CSF1R: variants seen among roughly 807,000 people sequenced by gnomAD.
CSF1R encodes macrophage colony-stimulating factor 1 receptor.
Under a neutral mutation model 110.0 loss-of-function variants are expected in CSF1R, and 40 were observed. The ratio of observed to expected loss-of-function variants is 0.36; its 90% CI spans 0.28 to 0.47. The LOEUF is 0.47. Among genes scored for constraint, CSF1R ranks in the 20% least tolerant of loss-of-function variants. The pLI, the probability that CSF1R is intolerant of heterozygous loss-of-function variation, is 0.99. For synonymous variants in CSF1R, 523 were observed against 503.4 expected (o/e 1.04, Z -0.52); for missense variants, 1,052 against 1,253.0 (o/e 0.84, Z 2.42).
chr5:150,053,844 T>C lies in CSF1R; in HGVS notation c.*225A>G. ...ATGAGAACAGTAGGGGAGGGGGGGGTGAGGGCTCAGCCCCCAGCCCCTGAC... is the reference window on the plus strand; with the variant it reads ...ATGAGAACAGTAGGGGAGGGGGGGGCGAGGGCTCAGCCCCCAGCCCCTGAC... On this transcript the variant is annotated 3_prime_UTR_variant, in exon 21 of 21. Coordinates refer to ENST00000675795, the MANE Select transcript of CSF1R (RefSeq NM_001288705.3). 1 of 573,590 alleles carries C rather than the reference T, an allele frequency of 1.7e-6. No individual in the cohort carries two copies. Among genetic ancestry groups the C allele is most frequent in the African/African-American group, 2.0e-5 (1 of 49,814 alleles). 35.5% of individuals were successfully genotyped at this position (573,590 alleles called of 1,614,324 possible). A position where few individuals can be genotyped will look rare whatever the true frequency, so the allele number is the denominator to read the frequency against.
chr5:150,110,335 C>T (rs905483016), intron 1 of CSF1R, among the ~76,000 whole-genome samples: 2 of 152,216 alleles, frequency 1.3e-5, no homozygotes. Context: ...GGTGTGCTCT[C>T]GCCATTGTTC....
chr5:150,057,648 A>G (rs1285791308), intron 14 of CSF1R, 56 bp from the exon 15 acceptor site: 4 of 1,392,660 alleles, frequency 2.9e-6, no homozygotes, highest in Non-Finnish European at 4.1e-6. Flanking sequence ...TGCACTGCTC[A>G]GCTCAGGCCT....
At chr5:150,087,770 G>C (rs1758903353), upstream of CSF1R, among the ~76,000 whole-genome samples, 1 of 149,624 alleles carries the variant, frequency 6.7e-6, no homozygotes, top group Non-Finnish European at 1.5e-5. Flanking sequence ...GTTTGGTTCT[G>C]TCACCCAGGC....
chr5:150,105,385 T>TATATA (rs1491301581), intron 1 of CSF1R, among the ~76,000 whole-genome samples: 11 of 41,642 alleles, frequency 2.6e-4, no homozygotes, highest in South Asian at 1.7e-3. Context: ...TATATATATA[T>TATATA]TTTTTTTTTT....
intron 3 of CSF1R, 50 bp downstream of exon 3, chr5:150,080,002 C>T (rs371261793): frequency 2.5e-6 from 4 of 1,583,370 alleles, no homozygotes; most frequent in Non-Finnish European, 2.6e-6. Context: ...GCCGCCGGCT[C>T]TCTGTCCCCA....
rs148357861 is a variant in CSF1R at position 150,077,369 on chromosome 5, C to T, written c.796G>A (p.Asp266Asn). ...RYQKVLTLNL[D>N]QVDFQHAGNY... Reference sequence around the variant, plus strand: ...CCGGCATGTTGGAAATCTACTTGATCGAGGTTGAGGGTCAGGACTTTTTGG... The same window carrying T: ...CCGGCATGTTGGAAATCTACTTGATTGAGGTTGAGGGTCAGGACTTTTTGG... The change falls in exon 5 of 21, where the codon GAT (aspartate) becomes AAT (asparagine). Residue 266 changes from aspartate (D) to asparagine (N), a missense_variant. Physicochemically the swap from Asp to Asn is conservative, Grantham distance 23 (BLOSUM62 1). This residue lies in a region of CSF1R where 693 missense variants were observed against 735.4 expected (regional missense o/e 0.94). Transcript: ENST00000675795. 4.3e-5 allele frequency: 70 copies of T among 1,613,992 alleles called. No individual in the cohort carries two copies. The African/African-American group carries it at 6.3e-4, about 14-fold the overall frequency.
In CSF1R at chr5:150,053,814, A is replaced by G; in HGVS notation, c.*255T>C. On this transcript the variant is annotated 3_prime_UTR_variant, in exon 21 of 21. Coordinates refer to ENST00000675795, the MANE Select transcript of CSF1R (RefSeq NM_001288705.3). Reference sequence around the variant, plus strand: ...AGTTGGCATAGCAAACACGAGGCCAACACCATGAGAACAGTAGGGGAGGGG... The same window carrying G: ...AGTTGGCATAGCAAACACGAGGCCAGCACCATGAGAACAGTAGGGGAGGGG... The G allele has an allele frequency of 1.8e-6, 1 of 560,036 alleles. No homozygotes were observed. The highest frequency in any genetic ancestry group is 2.0e-5 in the South Asian group (1 of 48,842). 34.7% of individuals were successfully genotyped at this position (560,036 alleles called of 1,614,324 possible). A position where few individuals can be genotyped will look rare whatever the true frequency, so the allele number is the denominator to read the frequency against.
At chr5:150,055,775 C>T (rs945364780) in intron 18 of CSF1R, among the ~76,000 whole-genome samples, 2 of 152,166 alleles carry the variant, frequency 1.3e-5, no homozygotes, top group Admixed American at 6.5e-5. Context: ...GAAACAGTGA[C>T]AAAGGAGGGT....
chr5:150,077,011 A>C, intron 5 of CSF1R: 1 of 515,696 alleles, frequency 1.9e-6, no homozygotes, highest in Non-Finnish European at 3.5e-6. Context: ...ACTGGACCCC[A>C]ATCCCCAAAT....
Position 150,061,524 on chromosome 5 carries a change from C to T in CSF1R, c.1825G>A (p.Ala609Thr), listed in dbSNP as rs1318296990. 2 of 1,605,674 alleles carry T rather than the reference C, an allele frequency of 1.2e-6. No individual in the cohort carries two copies. Among genetic ancestry groups the T allele is most frequent in the African/African-American group, 1.3e-5 (1 of 74,424 alleles). The change falls in exon 12 of 21, where the codon GCT (alanine) becomes ACT (threonine). Residue 609 changes from alanine (A) to threonine (T), a missense_variant. By Grantham distance (58) the Ala-to-Thr change is moderately conservative. Coordinates refer to ENST00000675795, the MANE Select transcript of CSF1R (RefSeq NM_001288705.3). ...ATCTTCACAGCCACCTTCAGGACAG[C>T]ATCCTCCTTGCCCAGACCAAAGGCC... The part of the protein sequence containing the change: ...ATAFGLGKED[A>T]VLKVAVKMLK...
At chr5:150,101,056 A>T (rs956049352) in intron 1 of CSF1R, among the ~76,000 whole-genome samples, 8 of 150,926 alleles carry the variant, frequency 5.3e-5, no homozygotes, top group African/African-American at 1.7e-4. Flanking sequence ...CATGTGACTT[A>T]GCAGTTGCTC....
At chr5:150,112,104 C>T (rs957863117) in intron 1 of CSF1R, among the ~76,000 whole-genome samples, 3 of 152,098 alleles carry the variant, frequency 2.0e-5, no homozygotes, top group African/African-American at 4.8e-5. Context: ...GTTACCCACC[C>T]GTTTCTGGCT....
intron 1 of CSF1R, among the ~76,000 whole-genome samples, chr5:150,099,673 A>G (rs1318548401): frequency 6.6e-6 from 1 of 151,840 alleles, no homozygotes; most frequent in African/African-American, 2.4e-5. Flanking sequence ...ACACTCTTGT[A>G]AACAGATAGA....
intron 1 of CSF1R, among the ~76,000 whole-genome samples, chr5:150,082,345 G>T (rs1190010113): frequency 6.6e-6 from 1 of 152,210 alleles, no homozygotes; most frequent in Admixed American, 6.5e-5. Flanking sequence ...AATTGGAAAG[G>T]TTTCCTCTCT....
intron 9 of CSF1R, 134 bp downstream of exon 9, chr5:150,069,739 G>T: frequency 1.2e-6 from 1 of 811,236 alleles, no homozygotes; most frequent in Non-Finnish European, 1.9e-6. Flanking sequence ...GGTGGACCTT[G>T]GTACTGCTAG....
At chr5:150,094,325 G>C in intron 1 of CSF1R, 1 of 1,598,226 alleles carries the variant, frequency 6.3e-7, no homozygotes. Flanking sequence ...AAGAGAAGAA[G>C]AAGGAGGTTC....
chr5:150,077,327 C>A lies in CSF1R; in HGVS notation c.838G>T (p.Ala280Ser), dbSNP rs754325326. ...FQHAGNYSCV[A>S]SNVQGKHSTS... ...GAGTGCTTGCCCTGCACGTTGCTGG[C>A]CACGCAGGAGTAGTTGCCGGCATGT... The change falls in exon 5 of 21, where the codon GCC becomes TCC. Residue 280 changes from alanine to serine, a missense_variant. Physicochemically the swap from Ala to Ser is moderately conservative, Grantham distance 99. Transcript: ENST00000675795. 7 of 1,614,164 alleles carry A rather than the reference C, an allele frequency of 4.3e-6. No homozygotes were observed. The highest frequency in any genetic ancestry group is 4.2e-6 in the Non-Finnish European group (5 of 1,180,028).
chr5:150,086,828 C>T (rs1300038638), upstream of CSF1R, among the ~76,000 whole-genome samples: 5 of 152,100 alleles, frequency 3.3e-5, no homozygotes, highest in African/African-American at 1.2e-4. Flanking sequence ...AAATGAGGGT[C>T]TTCAGAGTGA....
At chr5:150,071,734 A>G (rs1376978706) in intron 6 of CSF1R, among the ~76,000 whole-genome samples, 1 of 152,112 alleles carries the variant, frequency 6.6e-6, no homozygotes, top group Non-Finnish European at 1.5e-5. Context: ...TCTGTGGCTT[A>G]TGGACCCATT....
Sources: gnomAD v4.1 joint callset for allele counts (sites outside exome capture counted in the v4.1 genomes callset) on GRCh38, gnomAD v4.1.1 for gene constraint, gnomAD v4.1.1 regional missense constraint, MANE v1.5 for transcripts, NCBI Gene and HGNC (gene_info 2026-07-23, HGNC 2026-07-21) for gene names.